The following CAMKMT variants were observed in gnomAD, a reference collection of about 807,000 sequenced individuals.
The protein encoded by CAMKMT is calmodulin-lysine N-methyltransferase, also known as CaM KMT.
CAMKMT carries 53 observed loss-of-function variants against 48.0 expected under a neutral mutation model. The observed-to-expected ratio is 1.10, with a 90% CI of 0.89 to 1.39. The LOEUF is 1.39. Among genes scored for constraint, CAMKMT ranks in the 40% most tolerant of loss-of-function variants. The pLI is 0.00. For missense variants in CAMKMT, 428 were observed against 402.7 expected (o/e 1.06, Z -0.54); for synonymous variants, 165 against 152.3 (o/e 1.08, Z -0.61).
chr2:44,743,598 T>C (rs760429376), intron 7 of CAMKMT, 24 bp from the exon 8 acceptor site: 1 of 1,571,350 alleles, frequency 6.4e-7, no homozygotes, highest in African/African-American at 1.4e-5. Flanking sequence ...TATGTATAAT[T>C]TTTAAAATCT....
intron 9 of CAMKMT, among the ~76,000 whole-genome samples, chr2:44,760,228 C>T (rs1341742856): frequency 6.6e-6 from 1 of 152,048 alleles, no homozygotes. Context: ...GCAGTGGTGT[C>T]TGACTTTGGT....
At chr2:44,593,809 G>A (rs1247780460) in intron 3 of CAMKMT, among the ~76,000 whole-genome samples, 6 of 126,228 alleles carry the variant, frequency 4.8e-5, no homozygotes, top group Admixed American at 9.7e-5. Flanking sequence ...TTTTGCCCAG[G>A]CTGGAGTGCA....
intron 3 of CAMKMT, among the ~76,000 whole-genome samples, chr2:44,654,130 CATTTTATG>C (rs1207510199): frequency 6.6e-6 from 1 of 152,140 alleles, no homozygotes; most frequent in African/African-American, 2.4e-5. Context: ...GTCCATTGAA[CATTTTATG>C]ATCTTAGCCT....
intron 3 of CAMKMT, among the ~76,000 whole-genome samples, chr2:44,432,750 A>G (rs984114275): frequency 6.6e-6 from 1 of 152,032 alleles, no homozygotes; most frequent in Admixed American, 6.5e-5. Flanking sequence ...CTTTCTTTGT[A>G]ATAGATGATT....
At chr2:44,516,299 G>C (rs895774784) in intron 3 of CAMKMT, among the ~76,000 whole-genome samples, 21 of 152,178 alleles carry the variant, frequency 1.4e-4, no homozygotes, top group African/African-American at 5.1e-4. Flanking sequence ...AGGCCAGGGG[G>C]AAGCCATGCA....
intron 3 of CAMKMT, among the ~76,000 whole-genome samples, chr2:44,419,690 C>T (rs765215328): frequency 1.3e-5 from 2 of 152,168 alleles, no homozygotes; most frequent in African/African-American, 4.8e-5. Context: ...ATCTTTCTGC[C>T]TTAAACTCCC....
At chr2:44,551,742 T>A (rs1221502291) in intron 3 of CAMKMT, among the ~76,000 whole-genome samples, 6 of 152,224 alleles carry the variant, frequency 3.9e-5, no homozygotes, top group Non-Finnish European at 7.3e-5. Context: ...CAGTAAATTT[T>A]GAGACATCAG....
intron 3 of CAMKMT, among the ~76,000 whole-genome samples, chr2:44,457,712 C>G (rs1172057358): frequency 6.6e-6 from 1 of 152,038 alleles, no homozygotes; most frequent in Non-Finnish European, 1.5e-5. Flanking sequence ...AGTCATATTT[C>G]TTAAAAGTGC....
intron 1 of CAMKMT, chr2:44,369,948 T>C (rs898968091): frequency 6.6e-6 from 1 of 152,206 alleles, no homozygotes; most frequent in Non-Finnish European, 1.5e-5. Context: ...TCTGAAACTT[T>C]GGCTGCTACG....
At chr2:44,484,531 A>C (rs1230376797) in intron 3 of CAMKMT, among the ~76,000 whole-genome samples, 1 of 152,092 alleles carries the variant, frequency 6.6e-6, no homozygotes, top group Non-Finnish European at 1.5e-5. Flanking sequence ...TCATGAAAAA[A>C]AATCATGGTC....
intron 3 of CAMKMT, among the ~76,000 whole-genome samples, chr2:44,644,401 A>G (rs1180621733): frequency 6.6e-6 from 1 of 152,220 alleles, no homozygotes; most frequent in Non-Finnish European, 1.5e-5. Context: ...AATGGTAACA[A>G]CTTGGCTTGT....
chr2:44,744,307 G>A (rs1320179707), intron 8 of CAMKMT, among the ~76,000 whole-genome samples: 1 of 152,048 alleles, frequency 6.6e-6, no homozygotes, highest in Non-Finnish European at 1.5e-5. Context: ...ATCTCTGTCA[G>A]GTGCCTGCCT....
intron 6 of CAMKMT, among the ~76,000 whole-genome samples, chr2:44,707,920 G>T (rs1558809192): frequency 6.6e-6 from 1 of 152,044 alleles, no homozygotes; most frequent in East Asian, 1.9e-4. Context: ...ATTGCTGAGG[G>T]TACCTATATC....
intron 3 of CAMKMT, among the ~76,000 whole-genome samples, chr2:44,492,616 C>G (rs1457583664): frequency 6.6e-5 from 10 of 152,070 alleles, no homozygotes; most frequent in Non-Finnish European, 1.5e-5. Context: ...CTTTCTTGGA[C>G]CCAATATCAC....
chr2:44,611,410 G>T (rs745491830), intron 3 of CAMKMT, among the ~76,000 whole-genome samples: 2 of 151,700 alleles, frequency 1.3e-5, no homozygotes, highest in Non-Finnish European at 2.9e-5. Context: ...TCCAGACTGG[G>T]GGACAAGAGC....
chr2:44,412,885 G>T (rs970404391), intron 3 of CAMKMT, among the ~76,000 whole-genome samples: 1 of 151,526 alleles, frequency 6.6e-6, no homozygotes, highest in Non-Finnish European at 1.5e-5. Flanking sequence ...AGACCAGCTT[G>T]ACCAACATGG....
In CAMKMT at chr2:44,528,536, A is replaced by G. The variant is rs371062527; in HGVS notation, c.376+138231A>G. Among the ~76,000 whole-genome samples, 145 of 152,332 alleles carry G rather than the reference A, an allele frequency of 9.5e-4. 3 individuals are homozygous for G. The South Asian group carries it at 0.022, about 23-fold the overall frequency. ...TTAAGAGAAAAAAATTATCACAACC[A>G]TTATACTGTAATACTGCTAATTCCT... On this transcript the variant is annotated intron_variant, in intron 3 of 10. Coordinates refer to ENST00000378494, the MANE Select transcript of CAMKMT (RefSeq NM_024766.5).
intron 3 of CAMKMT, among the ~76,000 whole-genome samples, chr2:44,607,473 A>G (rs141028645): frequency 1.4e-4 from 21 of 152,322 alleles, no homozygotes; most frequent in African/African-American, 4.8e-4. Context: ...TGCATATACT[A>G]TGGTTTCTAG....
intron 3 of CAMKMT, among the ~76,000 whole-genome samples, chr2:44,419,143 G>A (rs1368157999): frequency 6.6e-6 from 1 of 152,196 alleles, no homozygotes; most frequent in Non-Finnish European, 1.5e-5. Context: ...GAGATCTGAA[G>A]AAGCAGGCAA....
Sources: allele counts gnomAD v4.1 joint callset (sites outside exome capture counted in the v4.1 genomes callset), GRCh38; gene constraint gnomAD v4.1.1; transcripts MANE v1.5; gene names NCBI Gene and HGNC (gene_info 2026-07-23, HGNC 2026-07-21).